The following LMO7 variants were observed in gnomAD, a reference collection of about 807,000 sequenced individuals.
LMO7 encodes LIM domain 7, also known as LIM domain only protein 7.
In LMO7, 120 loss-of-function variants were observed where a neutral mutation model predicts 206.5. The ratio of observed to expected loss-of-function variants is 0.58; its 90% CI spans 0.50 to 0.68. The LOEUF is 0.68. Ranked by LOEUF, LMO7 falls within the 30% of genes least tolerant of loss-of-function variation. The pLI, the probability that LMO7 is intolerant of heterozygous loss-of-function variation, is 0.00. For synonymous variants in LMO7, 706 were observed against 681.5 expected (o/e 1.04, Z -0.56); for missense variants, 1,959 against 1,957.9 (o/e 1.00, Z -0.01).
At chr13:75,734,072 G>T (rs1447772846) in intron 3 of LMO7, among the ~76,000 whole-genome samples, 1 of 152,200 alleles carries the variant, frequency 6.6e-6, no homozygotes, top group African/African-American at 2.4e-5. Context: ...TTATGTAATA[G>T]GTTTCCCACC....
chr13:75,846,803 C>T (rs921552872), intron 26 of LMO7, among the ~76,000 whole-genome samples: 2 of 151,964 alleles, frequency 1.3e-5, no homozygotes, highest in African/African-American at 4.8e-5. Flanking sequence ...AAAAAGAGGC[C>T]AGGCACGGTG....
At position 75,752,551 on chromosome 13, in the gene LMO7, T is replaced by C. The variant is rs374815720; in HGVS notation, c.211-8381T>C. ...CATTCATCACTGGAACATTGCACAT[T>C]GTATCCACCAAGCGGCCTCCCATCA... On this transcript the variant is annotated intron_variant, in intron 3 of 30. Transcript: ENST00000377534. 2.4e-4 allele frequency among the ~76,000 whole-genome samples: 37 copies of C among 152,328 alleles called. No individual in the cohort carries two copies. The East Asian group carries it at 6.4e-3, about 26-fold the overall frequency.
At chr13:75,750,861 G>T (rs1284103326) in intron 3 of LMO7, among the ~76,000 whole-genome samples, 1 of 152,162 alleles carries the variant, frequency 6.6e-6, no homozygotes, top group Non-Finnish European at 1.5e-5. Flanking sequence ...TGCATCAGTT[G>T]CATCTGAGGG....
chr13:75,760,450 T>C, intron 3 of LMO7: 13 of 1,172,926 alleles, frequency 1.1e-5, no homozygotes, highest in Non-Finnish European at 1.4e-5. Flanking sequence ...CCACAGTCGT[T>C]CTGTAATTTG....
Position 75,622,806 on chromosome 13 carries a change from A to G in LMO7, c.176-465A>G, listed in dbSNP as rs2033492854. On this transcript the variant is annotated intron_variant, in intron 1 of 29. Transcript: ENST00000341547. The stretch of plus-strand genomic sequence containing the variant: ...ATATCAGGATACCAACTGAAAGCAG[A>G]TCTTAAAGTTAATAACTCCAGCTTT... Among the ~76,000 whole-genome samples, 3 of 152,240 alleles carry G rather than the reference A, an allele frequency of 2.0e-5. No individual in the cohort carries two copies. In the South Asian group the frequency reaches 6.2e-4, roughly 32 times the overall value.
chr13:75,631,501 A>G (rs1177972327), upstream of LMO7: 1 of 152,180 alleles, frequency 6.6e-6, no homozygotes, highest in Non-Finnish European at 1.5e-5. Flanking sequence ...GAGGTATAAG[A>G]TATTAACTAG....
chr13:75,737,481 C>T (rs1351645340), intron 3 of LMO7, among the ~76,000 whole-genome samples: 3 of 149,212 alleles, frequency 2.0e-5, no homozygotes, highest in Non-Finnish European at 1.5e-5. Context: ...TGGCCGGGCG[C>T]GGTGGCTCAC....
intron 26 of LMO7, 106 bp downstream of exon 26, chr13:75,845,485 C>T (rs2059915863): frequency 7.8e-6 from 5 of 640,232 alleles, no homozygotes; most frequent in South Asian, 7.8e-5. Context: ...ATTAAGATTA[C>T]TTAATTAAAA....
At chr13:75,652,243 G>C (rs965479429) in intron 1 of LMO7, among the ~76,000 whole-genome samples, 4 of 151,784 alleles carry the variant, frequency 2.6e-5, no homozygotes, top group Non-Finnish European at 5.9e-5. Flanking sequence ...ACTTCTGGTA[G>C]ATCCTTGTCC....
In LMO7 at chr13:75,760,275, T is replaced by A. The variant is rs74439500; in HGVS notation, c.211-657T>A. ...TGGAGGGAGGGGATAGGCTTTCATATTTTTGGAGGCAGCTCTTGAGGCAGG... is the reference window on the plus strand; with the variant it reads ...TGGAGGGAGGGGATAGGCTTTCATAATTTTGGAGGCAGCTCTTGAGGCAGG... On this transcript the variant is annotated intron_variant, in intron 3 of 30. Transcript: ENST00000377534. 1.1e-3 allele frequency: 878 copies of A among 804,798 alleles called. 6 individuals carry two copies. In the African/African-American group the frequency reaches 0.016, roughly 14 times the overall value. The allele number at this position is 804,798 out of a possible 1,614,324, so 49.9% of individuals were successfully genotyped here.
intron 19 of LMO7, among the ~76,000 whole-genome samples, chr13:75,837,650 G>A (rs188632181): frequency 5.9e-4 from 90 of 152,114 alleles, no homozygotes; most frequent in Admixed American, 1.6e-3. Flanking sequence ...GAAGGTGGTC[G>A]TAACTTTAGT....
At chr13:75,729,176 A>G (rs1362852662) in intron 3 of LMO7, among the ~76,000 whole-genome samples, 1 of 149,012 alleles carries the variant, frequency 6.7e-6, no homozygotes, top group Admixed American at 6.7e-5. Context: ...AGTCATTGGT[A>G]GCTTGATGGG....
At chr13:75,635,419 C>A (rs537289847), upstream of LMO7, among the ~76,000 whole-genome samples, 1 of 152,282 alleles carries the variant, frequency 6.6e-6, no homozygotes, top group East Asian at 1.9e-4. Flanking sequence ...CAAGCCGACC[C>A]GTGTGCCTCC....
At chr13:75,849,515 T>C (rs1325402541) in intron 27 of LMO7, among the ~76,000 whole-genome samples, 1 of 149,614 alleles carries the variant, frequency 6.7e-6, no homozygotes, top group African/African-American at 2.5e-5. Flanking sequence ...TTTTTTACTA[T>C]GAGGGAACTT....
At chr13:75,857,789 AGAGT>A (rs2061087434) in intron 30 of LMO7, 128 bp from the exon 31 acceptor site, 3 of 527,776 alleles carry the variant, frequency 5.7e-6, no homozygotes, top group South Asian at 3.3e-5. Flanking sequence ...CTTTATCCTA[AGAGT>A]GAGTGACAGG....
At chr13:75,786,150 A>T (rs530324760) in intron 4 of LMO7, among the ~76,000 whole-genome samples, 1 of 152,038 alleles carries the variant, frequency 6.6e-6, no homozygotes, top group African/African-American at 2.4e-5. Flanking sequence ...CCTAATCTCA[A>T]CATCATTACA....
intron 15 of LMO7, among the ~76,000 whole-genome samples, chr13:75,828,463 G>A (rs2058337914): frequency 6.6e-6 from 1 of 152,154 alleles, no homozygotes; most frequent in Non-Finnish European, 1.5e-5. Context: ...GGACTTTGCT[G>A]TGTCTTTAGA....
intron 3 of LMO7, among the ~76,000 whole-genome samples, chr13:75,748,413 T>G (rs376632448): frequency 5.3e-5 from 8 of 152,192 alleles, no homozygotes; most frequent in African/African-American, 1.9e-4. Flanking sequence ...ACACCTCAGT[T>G]TCCTCATGTG....
chr13:75,841,322 T>A, intron 23 of LMO7, 121 bp downstream of exon 23: 1 of 669,866 alleles, frequency 1.5e-6, no homozygotes, highest in Non-Finnish European at 2.6e-6. Context: ...TGTGTAGCTC[T>A]TTGAAAAATA....
Sources: gnomAD v4.1 joint callset for allele counts (sites outside exome capture counted in the v4.1 genomes callset) on GRCh38, gnomAD v4.1.1 for gene constraint, MANE v1.5 for transcripts, NCBI Gene and HGNC (gene_info 2026-07-23, HGNC 2026-07-21) for gene names.